Variants in ANO2 observed in about 807,000 individuals in gnomAD.
ANO2 encodes anoctamin 2.
ANO2 carries 101 observed loss-of-function variants against 124.2 expected under a neutral mutation model. The ratio of observed to expected loss-of-function variants is 0.81; its 90% CI spans 0.69 to 0.96. The LOEUF is 0.96. Ranked by LOEUF, ANO2 falls within the 40% of genes least tolerant of loss-of-function variation. ANO2 has a pLI of 0.00. For synonymous variants in ANO2, 486 were observed against 482.5 expected, an observed-to-expected ratio of 1.01 and a Z score of -0.09; for missense variants, 1,293 against 1,274.5, an observed-to-expected ratio of 1.01 and a Z score of -0.22.
At chr12:5,915,533 C>CT (rs766501709) in intron 3 of ANO2, among the ~76,000 whole-genome samples, 10 of 152,116 alleles carry the variant, frequency 6.6e-5, no homozygotes, top group Non-Finnish European at 2.9e-5. Flanking sequence ...TAATGGGTCT[C>CT]TGATAGGAAC....
intron 10 of ANO2, among the ~76,000 whole-genome samples, chr12:5,789,772 G>A (rs2137147274): frequency 6.6e-6 from 1 of 152,334 alleles, no homozygotes; most frequent in East Asian, 1.9e-4. Flanking sequence ...AGAGGCATGT[G>A]CCTGTACAAA....
chr12:5,641,824 T>A (rs916931700), intron 15 of ANO2, among the ~76,000 whole-genome samples: 1 of 152,252 alleles, frequency 6.6e-6, no homozygotes, highest in Non-Finnish European at 1.5e-5. Context: ...GAGATAATTA[T>A]GTATTATTTG....
chr12:5,870,364 G>C (rs569600371), intron 3 of ANO2: 17 of 152,316 alleles, frequency 1.1e-4, no homozygotes, highest in African/African-American at 4.1e-4. Flanking sequence ...CCTGGTGCCA[G>C]CTCTGCCACT....
chr12:5,759,703 T>C lies in ANO2; in HGVS notation c.1056-8733A>G, dbSNP rs538888212. Among the ~76,000 whole-genome samples, 96 of 151,344 alleles carry C rather than the reference T, an allele frequency of 6.3e-4. 1 individual carries two copies. The highest frequency in any genetic ancestry group is 2.2e-3 in the African/African-American group (92 of 41,130). ...AACTATTCTCCCACTGTCCCCAGCC[T>C]GTGGAAAAATTATCTTCCACGAAAC... On this transcript the variant is annotated intron_variant, in intron 10 of 24. Coordinates refer to ENST00000682330, the MANE Select transcript of ANO2 (RefSeq NM_001364791.2).
chr12:5,867,291 A>G (rs902167133), intron 3 of ANO2, among the ~76,000 whole-genome samples: 1 of 152,214 alleles, frequency 6.6e-6, no homozygotes, highest in African/African-American at 2.4e-5. Flanking sequence ...CTACAGCCCC[A>G]CCTGCTCAGC....
intron 3 of ANO2, among the ~76,000 whole-genome samples, chr12:5,918,288 C>T (rs1025688504): frequency 1.3e-5 from 2 of 152,200 alleles, no homozygotes; most frequent in African/African-American, 4.8e-5. Flanking sequence ...GGAAGAATGT[C>T]TTCTGCCTTA....
chr12:5,602,040 G>A (rs987256918), intron 19 of ANO2, among the ~76,000 whole-genome samples: 1 of 152,182 alleles, frequency 6.6e-6, no homozygotes, highest in Admixed American at 6.5e-5. Flanking sequence ...GGCTCTGTAC[G>A]CATGTTGCCT....
chr12:5,671,556 G>C (rs1948006280), intron 14 of ANO2, among the ~76,000 whole-genome samples: 1 of 152,010 alleles, frequency 6.6e-6, no homozygotes, highest in South Asian at 2.1e-4. Flanking sequence ...AGGGCAGAGG[G>C]GGCAGGTTGA....
chr12:5,794,154 T>G (rs1952779462), intron 10 of ANO2, among the ~76,000 whole-genome samples: 1 of 152,222 alleles, frequency 6.6e-6, no homozygotes, highest in African/African-American at 2.4e-5. Flanking sequence ...TGAGGTATTA[T>G]TTCCTTCCAG....
intron 14 of ANO2, among the ~76,000 whole-genome samples, chr12:5,698,972 T>C (rs1158049220): frequency 1.3e-5 from 2 of 152,214 alleles, no homozygotes; most frequent in African/African-American, 4.8e-5. Flanking sequence ...CTGATTGGTG[T>C]ACCTGAAAGT....
chr12:5,637,379 G>A (rs1946080154), intron 15 of ANO2, among the ~76,000 whole-genome samples: 1 of 151,656 alleles, frequency 6.6e-6, no homozygotes, highest in African/African-American at 2.4e-5. Context: ...GTGTATTTGG[G>A]GTTGGGATTG....
chr12:5,628,737 T>C (rs1272013400), intron 16 of ANO2, among the ~76,000 whole-genome samples: 1 of 152,206 alleles, frequency 6.6e-6, no homozygotes, highest in Non-Finnish European at 1.5e-5. Context: ...TGTGTACAAG[T>C]GTGTGCATGT....
chr12:5,841,785 T>TC (rs1954522894), intron 4 of ANO2, among the ~76,000 whole-genome samples: 1 of 152,232 alleles, frequency 6.6e-6, no homozygotes, highest in Admixed American at 6.5e-5. Context: ...TCCCCCACTT[T>TC]CATCTAAATG....
chr12:5,686,628 C>A (rs1449511565), intron 14 of ANO2, among the ~76,000 whole-genome samples: 3 of 152,164 alleles, frequency 2.0e-5, no homozygotes, highest in Non-Finnish European at 4.4e-5. Flanking sequence ...GCTGGAGGGG[C>A]CTTTACTCTA....
At chr12:5,867,792 A>AAC (rs1422794912) in intron 3 of ANO2, among the ~76,000 whole-genome samples, 11 of 151,162 alleles carry the variant, frequency 7.3e-5, no homozygotes, top group Non-Finnish European at 1.2e-4. Context: ...AAAAAAAAAA[A>AAC]AAAAAAAACC....
Position 5,922,610 on chromosome 12 carries a change from C to CCCTAAAAACAA in ANO2, c.207+9_207+10insTTGTTTTTAGG. The CCCTAAAAACAA allele has an allele frequency of 6.6e-7, 1 of 1,525,530 alleles. No homozygotes were observed. The highest frequency in any genetic ancestry group is 8.8e-7 in the Non-Finnish European group (1 of 1,136,264). The allele number at this position is 1,525,530 out of a possible 1,614,324, so 94.5% of individuals were successfully genotyped here. A position where few individuals can be genotyped will look rare whatever the true frequency, so the allele number is the denominator to read the frequency against. On this transcript the variant is annotated intron_variant, in intron 2 of 24. Transcript: ENST00000682330. ...CCTATCCCCCCACCCCACCCCCGCC[C>CCCTAAAAACAA]AGTACTCACAGAGCTGCTGCGGGTG... is the stretch of plus-strand genomic sequence containing the variant.
intron 3 of ANO2, among the ~76,000 whole-genome samples, chr12:5,868,574 C>A (rs750370759): frequency 2.0e-5 from 3 of 152,178 alleles, no homozygotes; most frequent in Admixed American, 6.5e-5. Context: ...TGTCTTCTGG[C>A]CAGAATAATT....
At chr12:5,896,685 A>C (rs1939814106) in intron 3 of ANO2, among the ~76,000 whole-genome samples, 1 of 152,228 alleles carries the variant, frequency 6.6e-6, no homozygotes, top group Admixed American at 6.5e-5. Context: ...ATAATTCTCT[A>C]AATTTCCTCA....
At chr12:5,809,672 C>A (rs1481677377) in intron 7 of ANO2, among the ~76,000 whole-genome samples, 3 of 152,158 alleles carry the variant, frequency 2.0e-5, no homozygotes, top group African/African-American at 7.2e-5. Flanking sequence ...AGCCATGCGC[C>A]CTATCCCCCA....
Sources: allele counts gnomAD v4.1 joint callset (sites outside exome capture counted in the v4.1 genomes callset), GRCh38; gene constraint gnomAD v4.1.1; transcripts MANE v1.5; gene names NCBI Gene and HGNC (gene_info 2026-07-23, HGNC 2026-07-21).